Variants in ZZEF1 observed in about 807,000 individuals in gnomAD.
The protein encoded by ZZEF1 is zinc finger ZZ-type and EF-hand domain containing 1, also known as zinc finger ZZ-type and EF-hand domain-containing protein 1.
A neutral mutation model predicts 342.8 loss-of-function variants in ZZEF1; 157 were observed. The ratio of observed to expected loss-of-function variants is 0.46; its 90% CI spans 0.40 to 0.52. ZZEF1 has a LOEUF of 0.52. Among genes scored for constraint, ZZEF1 ranks in the 20% least tolerant of loss-of-function variants. ZZEF1 has a pLI of 0.00. For synonymous variants in ZZEF1, 1,505 were observed against 1,429.1 expected, an observed-to-expected ratio of 1.05 and a Z score of -1.20; for missense variants, 3,480 against 3,725.6, an observed-to-expected ratio of 0.93 and a Z score of 1.72.
chr17:4,044,242 G>A lies in ZZEF1; in HGVS notation c.6148C>T (p.Pro2050Ser), dbSNP rs1164646563. 3 of 1,614,000 alleles carry A rather than the reference G, an allele frequency of 1.9e-6. No individual in the cohort carries two copies. The highest frequency in any genetic ancestry group is 2.5e-6 in the Non-Finnish European group (3 of 1,179,956). The change falls in exon 38 of 55, where the codon CCA becomes TCA. Residue 2050 changes from proline to serine, a missense_variant. Pro to Ser is a moderately conservative substitution (Grantham distance 74, BLOSUM62 -1). Transcript: ENST00000381638. ...TCTTTACCTGGAAGTCCTGTAGGTGGGCTAGCATCTGCAGGTGAATCTGAA... is the reference window on the plus strand; with the variant it reads ...TCTTTACCTGGAAGTCCTGTAGGTGAGCTAGCATCTGCAGGTGAATCTGAA... Reference protein sequence around the residue: ...QISDSPADASPPTGLPDAEDS... With the variant: ...QISDSPADASSPTGLPDAEDS...
chr17:4,015,053 C>T (rs1029938847), intron 49 of ZZEF1, among the ~76,000 whole-genome samples: 1 of 152,134 alleles, frequency 6.6e-6, no homozygotes, highest in Non-Finnish European at 1.5e-5. Context: ...CAGGGAAAAC[C>T]CTGGAAAGCT....
At position 4,142,524 on chromosome 17, in the gene ZZEF1, T is replaced by A. The variant is rs534037274; in HGVS notation, c.354+18A>T. On this transcript the variant is annotated intron_variant, in intron 1 of 54. Coordinates refer to ENST00000381638, the MANE Select transcript of ZZEF1 (RefSeq NM_015113.4). ...CGACCGCCCTGCCCCATCCCCGCAG[T>A]CGCCTGCCGGCCCTGACCTCCTCGA... 6.3e-7 allele frequency: 1 copy of A among 1,587,366 alleles called. No individual in the cohort carries two copies. The highest frequency in any genetic ancestry group is 1.1e-5 in the South Asian group (1 of 89,122).
At position 4,009,676 on chromosome 17, in the gene ZZEF1, C is replaced by T. The variant is rs200092154; in HGVS notation, c.8661G>A (p.Thr2887=). 8.1e-6 allele frequency: 13 copies of T among 1,614,056 alleles called. No homozygotes were observed. Among genetic ancestry groups the T allele is most frequent in the African/African-American group, 8.0e-5 (6 of 75,012 alleles). ...GCAGGGGAAGGAGGATGCCGGGCTG[C>T]GTCACGTCCTCAAACAGGCCGTACT... The part of the protein sequence containing the change: ...HMEYGLFEDV[T]QPGILLPLHR... Residue 2887 remains threonine, a synonymous_variant, in exon 53 of 55, where the codon ACG becomes ACA. Coordinates refer to ENST00000381638, the MANE Select transcript of ZZEF1 (RefSeq NM_015113.4).
At chr17:4,069,169 GCCTT>G (rs1325007438) in intron 26 of ZZEF1, among the ~76,000 whole-genome samples, 1 of 152,192 alleles carries the variant, frequency 6.6e-6, no homozygotes, top group Non-Finnish European at 1.5e-5. Flanking sequence ...ACAGCAGGAA[GCCTT>G]CCATTTCTCA....
intron 1 of ZZEF1, among the ~76,000 whole-genome samples, chr17:4,137,178 G>C (rs180845227): frequency 9.9e-5 from 15 of 152,252 alleles, no homozygotes; most frequent in African/African-American, 3.6e-4. Context: ...CCATGGTGAG[G>C]TGGTATTTTG....
chr17:4,032,181 A>T lies in ZZEF1; in HGVS notation c.6837T>A (p.Phe2279Leu), dbSNP rs775091209. The T allele has an allele frequency of 6.2e-7, 1 of 1,614,132 alleles. No individual in the cohort carries two copies. The change falls in exon 42 of 55, where the codon TTT becomes TTA. Residue 2279 changes from phenylalanine to leucine, a missense_variant. Transcript: ENST00000381638. The part of the protein sequence containing the change: ...EPHNVIILKH[F>L]TEKNRAVIVD... ...CAATCACAGCCCTGTTCTTCTCAGTAAAGTGCTTCAAGATGATCACATTAT... is the reference window on the plus strand; with the variant it reads ...CAATCACAGCCCTGTTCTTCTCAGTTAAGTGCTTCAAGATGATCACATTAT...
At chr17:4,111,947 T>C (rs1218278001) in intron 5 of ZZEF1, among the ~76,000 whole-genome samples, 1 of 142,202 alleles carries the variant, frequency 7.0e-6, no homozygotes, top group African/African-American at 2.5e-5. Context: ...GCAGGAAGAC[T>C]GCTTGAACCC....
At chr17:4,060,372 C>T (rs1489506141) in intron 30 of ZZEF1, among the ~76,000 whole-genome samples, 1 of 152,122 alleles carries the variant, frequency 6.6e-6, no homozygotes, top group East Asian at 1.9e-4. Flanking sequence ...CAAGACCAGC[C>T]TGGCCAACAT....
At chr17:4,111,646 G>C (rs911534259) in intron 5 of ZZEF1, among the ~76,000 whole-genome samples, 59 of 68,550 alleles carry the variant, frequency 8.6e-4, no homozygotes, top group Non-Finnish European at 1.5e-3. Flanking sequence ...GCGACAATGC[G>C]AGGCTCTGTC....
At chr17:4,011,857 G>C (rs7212158) in intron 52 of ZZEF1, among the ~76,000 whole-genome samples, 72,559 of 152,092 alleles carry the variant, frequency 0.48, 19,847 homozygotes, top group African/African-American at 0.76. Flanking sequence ...AGAGAAGCAT[G>C]AGCATGTGAG....
intron 1 of ZZEF1, among the ~76,000 whole-genome samples, chr17:4,132,554 C>CGGGCTTG (rs2145591468): frequency 6.6e-6 from 1 of 151,650 alleles, no homozygotes; most frequent in Non-Finnish European, 1.5e-5. Context: ...AAAAATTAGC[C>CGGGCTTG]GGGCTTGGTG....
intron 29 of ZZEF1, among the ~76,000 whole-genome samples, chr17:4,064,063 A>G (rs1473724545): frequency 1.1e-4 from 16 of 144,822 alleles, no homozygotes; most frequent in African/African-American, 3.0e-4. Flanking sequence ...TTGTAGATGG[A>G]GGGGGGGGGG....
intron 24 of ZZEF1, 184 bp from the exon 25 acceptor site, chr17:4,072,940 C>A (rs2057539507): frequency 1.9e-6 from 1 of 530,704 alleles, no homozygotes; most frequent in Non-Finnish European, 3.1e-6. Context: ...AGCTAAACCA[C>A]CAAGTCCTGA....
intron 29 of ZZEF1, among the ~76,000 whole-genome samples, chr17:4,063,767 GC>G (rs1286682269): frequency 7.0e-6 from 1 of 143,620 alleles, no homozygotes; most frequent in Non-Finnish European, 1.5e-5. Flanking sequence ...TTGCTCTGTC[GC>G]CCAGGTTGGA....
At chr17:4,117,501 A>G (rs931538867) in intron 2 of ZZEF1, among the ~76,000 whole-genome samples, 20 of 152,046 alleles carry the variant, frequency 1.3e-4, no homozygotes, top group African/African-American at 4.3e-4. Context: ...CAAAAAAGTT[A>G]GCTGGGGGTG....
intron 1 of ZZEF1, among the ~76,000 whole-genome samples, chr17:4,130,141 G>C (rs998208559): frequency 6.6e-6 from 1 of 152,002 alleles, no homozygotes; most frequent in African/African-American, 2.4e-5. Context: ...ATGTACCCCA[G>C]AACCTAAAAA....
intron 42 of ZZEF1, 85 bp downstream of exon 42, chr17:4,032,041 G>A: frequency 6.9e-7 from 1 of 1,447,578 alleles, no homozygotes; most frequent in Non-Finnish European, 9.3e-7. Flanking sequence ...CAGGCCAAGA[G>A]CCAAGGTAAT....
At chr17:4,102,447 G>A in intron 8 of ZZEF1, 32 bp from the exon 9 acceptor site, 1 of 1,588,914 alleles carries the variant, frequency 6.3e-7, no homozygotes, top group Non-Finnish European at 8.6e-7. Context: ...CAAGCTGTAA[G>A]CTAAAATATG....
chr17:4,064,071 G>A lies in ZZEF1; in HGVS notation c.4718+290C>T, dbSNP rs374524444. Among the ~76,000 whole-genome samples, 879 of 151,338 alleles carry A rather than the reference G, an allele frequency of 5.8e-3. 4 individuals carry two copies. Among genetic ancestry groups the A allele is most frequent in the Middle Eastern group, 0.034 (10 of 294 alleles). ...AAATTTTTTGTAGATGGAGGGGGGG[G>A]GGTCTCACTATGTTGCCCAGGTTGG... On this transcript the variant is annotated intron_variant, in intron 29 of 54. Transcript: ENST00000381638.
Sources: allele counts gnomAD v4.1 joint callset (sites outside exome capture counted in the v4.1 genomes callset), GRCh38; gene constraint gnomAD v4.1.1; transcripts MANE v1.5; gene names NCBI Gene and HGNC (gene_info 2026-07-23, HGNC 2026-07-21).